Variants in SIPA1L1 observed in about 807,000 individuals in gnomAD.
SIPA1L1 encodes the protein signal-induced proliferation-associated 1-like protein 1.
Under a neutral mutation model 162.7 loss-of-function variants are expected in SIPA1L1, and 26 were observed. The observed-to-expected ratio is 0.16, with a 90% CI of 0.12 to 0.22. The LOEUF (loss-of-function observed/expected upper bound fraction) is 0.22. Ranked by LOEUF, SIPA1L1 falls within the 10% of genes least tolerant of loss-of-function variation. The pLI is 1.00. For synonymous variants in SIPA1L1, 829 were observed against 837.4 expected (o/e 0.99, Z 0.17); for missense variants, 1,874 against 2,241.0 (o/e 0.84, Z 3.31).
At chr14:71,360,114 C>T (rs1170712375) in intron 2 of SIPA1L1, among the ~76,000 whole-genome samples, 1 of 152,062 alleles carries the variant, frequency 6.6e-6, no homozygotes, top group African/African-American at 2.4e-5. Context: ...TTCTACTAAT[C>T]TAAACTTTTT....
At chr14:71,704,661 C>A (rs2082318886) in intron 15 of SIPA1L1, 1 of 1,333,310 alleles carries the variant, frequency 7.5e-7, no homozygotes, top group Non-Finnish European at 1.1e-6. Context: ...GCTTGGAGTC[C>A]AAAAGGAAGC....
At chr14:71,329,982 C>T (rs773118028) in intron 2 of SIPA1L1, among the ~76,000 whole-genome samples, 6 of 152,112 alleles carry the variant, frequency 3.9e-5, no homozygotes, top group African/African-American at 7.2e-5. Context: ...GATGGCCAGG[C>T]CAGTCAGATA....
chr14:71,637,671 C>A (rs1032474801), intron 7 of SIPA1L1, among the ~76,000 whole-genome samples: 1 of 151,738 alleles, frequency 6.6e-6, no homozygotes, highest in Non-Finnish European at 1.5e-5. Flanking sequence ...CTTCAGTGAA[C>A]CATGGTCAAG....
intron 2 of SIPA1L1, among the ~76,000 whole-genome samples, chr14:71,444,543 A>C (rs545113859): frequency 6.6e-6 from 1 of 152,268 alleles, no homozygotes; most frequent in East Asian, 1.9e-4. Context: ...TCCTATCTAC[A>C]GTTCCCAGAT....
intron 2 of SIPA1L1, among the ~76,000 whole-genome samples, chr14:71,428,503 C>G (rs1309949220): frequency 6.6e-6 from 1 of 151,868 alleles, no homozygotes. Context: ...CTTTCCCTGA[C>G]CATGCATGGT....
chr14:71,704,940 A>T lies in SIPA1L1; in HGVS notation c.3647-282A>T, dbSNP rs897593946. On this transcript the variant is annotated intron_variant, in intron 15 of 23. Coordinates refer to ENST00000381232, the MANE Select transcript of SIPA1L1 (RefSeq NM_001386936.1). ...AATTTTTCCCCCAAACCAAAAGTTG[A>T]TTCTGAACTTTGCTGCGTTGTTCAT... 1.2e-5 allele frequency: 8 copies of T among 649,324 alleles called. No individual in the cohort carries two copies. The African/African-American group carries it at 1.4e-4, about 12-fold the overall frequency. 40.2% of individuals were successfully genotyped at this position (649,324 alleles called of 1,614,324 possible). A position where few individuals can be genotyped will look rare whatever the true frequency, so the allele number is the denominator to read the frequency against.
At chr14:71,631,101 A>G (rs1479679005) in intron 7 of SIPA1L1, among the ~76,000 whole-genome samples, 1 of 151,996 alleles carries the variant, frequency 6.6e-6, no homozygotes, top group Non-Finnish European at 1.5e-5. Context: ...GTTCCCACCT[A>G]TGAGTGAGAA....
chr14:71,481,159 C>T (rs1182841330), intron 2 of SIPA1L1, among the ~76,000 whole-genome samples: 1 of 152,152 alleles, frequency 6.6e-6, no homozygotes, highest in East Asian at 1.9e-4. Flanking sequence ...GAACCCCTTG[C>T]ATAAGTTCAG....
At chr14:71,552,317 C>T (rs549616377) in intron 4 of SIPA1L1, among the ~76,000 whole-genome samples, 1 of 151,954 alleles carries the variant, frequency 6.6e-6, no homozygotes, top group Admixed American at 6.5e-5. Flanking sequence ...ATATTATCTT[C>T]ATTTAATAGG....
At chr14:71,620,362 C>A (rs949469376) in intron 6 of SIPA1L1, among the ~76,000 whole-genome samples, 1 of 152,364 alleles carries the variant, frequency 6.6e-6, no homozygotes, top group South Asian at 2.1e-4. Flanking sequence ...AGCCACCACA[C>A]CTGGCCGTTC....
intron 4 of SIPA1L1, among the ~76,000 whole-genome samples, chr14:71,571,922 G>A (rs1345886036): frequency 6.6e-6 from 1 of 151,996 alleles, no homozygotes; most frequent in East Asian, 1.9e-4. Flanking sequence ...AAAGTGCTGG[G>A]ATTACAGGCG....
chr14:71,362,970 G>T (rs1287765341), intron 2 of SIPA1L1, among the ~76,000 whole-genome samples: 1 of 152,192 alleles, frequency 6.6e-6, no homozygotes, highest in African/African-American at 2.4e-5. Flanking sequence ...TGTTAGTGGG[G>T]TTGGTTACTT....
At chr14:71,429,991 G>C (rs988572585) in intron 2 of SIPA1L1, among the ~76,000 whole-genome samples, 11 of 152,166 alleles carry the variant, frequency 7.2e-5, no homozygotes, top group Non-Finnish European at 1.3e-4. Flanking sequence ...GTGCATTGGG[G>C]GTAAAGCTAG....
At chr14:71,562,629 G>A (rs529118999) in intron 4 of SIPA1L1, among the ~76,000 whole-genome samples, 1 of 152,172 alleles carries the variant, frequency 6.6e-6, no homozygotes, top group East Asian at 1.9e-4. Context: ...ATAACCTGCT[G>A]GTTTTTATTT....
intron 15 of SIPA1L1, 65 bp downstream of exon 15, chr14:71,702,570 G>T: frequency 7.1e-7 from 1 of 1,411,636 alleles, no homozygotes; most frequent in Non-Finnish European, 9.8e-7. Context: ...ACCTCTTGAT[G>T]ATGTTATCAA....
chr14:71,580,767 C>T (rs1022236811), intron 4 of SIPA1L1, among the ~76,000 whole-genome samples: 10 of 152,066 alleles, frequency 6.6e-5, no homozygotes, highest in African/African-American at 2.4e-4. Flanking sequence ...GTGTGGTCAT[C>T]ATACTGCATT....
intron 13 of SIPA1L1, among the ~76,000 whole-genome samples, chr14:71,697,280 T>C (rs895374667): frequency 2.0e-5 from 3 of 152,174 alleles, no homozygotes; most frequent in African/African-American, 7.2e-5. Context: ...AAACTAGATA[T>C]CTTCTTTGTC....
chr14:71,661,607 G>A, intron 10 of SIPA1L1, 140 bp downstream of exon 10: 1 of 853,040 alleles, frequency 1.2e-6, no homozygotes, highest in Non-Finnish European at 1.7e-6. Context: ...CATGCGGATG[G>A]CTGAATTCAC....
At chr14:71,451,632 CAAAAAAAAA>C (rs762968378) in intron 2 of SIPA1L1, among the ~76,000 whole-genome samples, 1 of 54,394 alleles carries the variant, frequency 1.8e-5, no homozygotes, top group Non-Finnish European at 3.8e-5. Context: ...GACCTTGTCT[CAAAAAAAAA>C]AAAAAAAAAA....
Sources: allele counts gnomAD v4.1 joint callset (sites outside exome capture counted in the v4.1 genomes callset), GRCh38; gene constraint gnomAD v4.1.1; transcripts MANE v1.5; gene names NCBI Gene and HGNC (gene_info 2026-07-23, HGNC 2026-07-21).